Variants in PDE1C observed in about 807,000 individuals in gnomAD.
PDE1C encodes the protein phosphodiesterase 1C.
Under a neutral mutation model 93.1 loss-of-function variants are expected in PDE1C, and 62 were observed. The observed-to-expected ratio is 0.67, with a 90% confidence interval of 0.54 to 0.82. The LOEUF (loss-of-function observed/expected upper bound fraction) is 0.82. Ranked by LOEUF, PDE1C falls within the 40% of genes least tolerant of loss-of-function variation. The pLI is 0.00. For missense variants in PDE1C, 742 were observed against 884.6 expected (o/e 0.84, Z 2.04); for synonymous variants, 325 against 310.1 (o/e 1.05, Z -0.50).
the PDE1C span, chr7:31,696,999 T>C: frequency 8.1e-6 from 13 of 1,614,120 alleles, no homozygotes; most frequent in Non-Finnish European, 1.0e-5. Flanking sequence ...AAAGATACGA[T>C]GTTCAAGAGA....
intron 1 of PDE1C, among the ~76,000 whole-genome samples, chr7:32,326,621 G>T (rs1783408375): frequency 6.6e-6 from 1 of 152,170 alleles, no homozygotes; most frequent in Non-Finnish European, 1.5e-5. Flanking sequence ...CAGGTCACTG[G>T]TTACCCTAAC....
chr7:32,002,944 T>C (rs1785674331), intron 2 of PDE1C, among the ~76,000 whole-genome samples: 1 of 152,246 alleles, frequency 6.6e-6, no homozygotes, highest in Non-Finnish European at 1.5e-5. Context: ...TTCTTTTTCT[T>C]GATATCCTTT....
chr7:32,040,786 A>G (rs1209524867), intron 2 of PDE1C, among the ~76,000 whole-genome samples: 3 of 152,158 alleles, frequency 2.0e-5, no homozygotes, highest in African/African-American at 7.2e-5. Flanking sequence ...TCCTTTCCTA[A>G]TTAAGGTCCA....
chr7:32,221,739 G>T (rs921415908), intron 1 of PDE1C, among the ~76,000 whole-genome samples: 116 of 152,008 alleles, frequency 7.6e-4, no homozygotes, highest in Non-Finnish European at 1.3e-3. Flanking sequence ...CTTCAGCAAT[G>T]TTTTTTTGAG....
At chr7:32,027,979 A>T (rs1789717759) in intron 2 of PDE1C, among the ~76,000 whole-genome samples, 2 of 152,112 alleles carry the variant, frequency 1.3e-5, no homozygotes, top group Admixed American at 6.6e-5. Flanking sequence ...ATTAGAACTT[A>T]AGTATGTCTC....
the PDE1C span, among the ~76,000 whole-genome samples, chr7:31,677,530 AG>A: frequency 1.3e-5 from 2 of 152,206 alleles, no homozygotes; most frequent in Non-Finnish European, 2.9e-5. Context: ...ATACTAATCA[AG>A]CTAAGGAGAA....
At chr7:32,150,801 G>T (rs1801197073) in intron 3 of PDE1C, among the ~76,000 whole-genome samples, 1 of 152,006 alleles carries the variant, frequency 6.6e-6, no homozygotes, top group Non-Finnish European at 1.5e-5. Flanking sequence ...CTAGTACTAG[G>T]GGCAACCATT....
At chr7:32,380,217 C>CCT (rs373732159) in intron 1 of PDE1C, among the ~76,000 whole-genome samples, 144 of 151,674 alleles carry the variant, frequency 9.5e-4, no homozygotes, top group Middle Eastern at 3.4e-3. Flanking sequence ...CCACTTCCAT[C>CCT]CTCTCTCTCT....
At chr7:32,010,681 C>T (rs1346818264) in intron 2 of PDE1C, among the ~76,000 whole-genome samples, 1 of 152,136 alleles carries the variant, frequency 6.6e-6, no homozygotes, top group African/African-American at 2.4e-5. Context: ...AGTCCAAAAT[C>T]AAGGTGTCAG....
chr7:31,950,135 C>A (rs996554005), intron 2 of PDE1C, among the ~76,000 whole-genome samples: 3 of 152,168 alleles, frequency 2.0e-5, no homozygotes, highest in African/African-American at 7.2e-5. Flanking sequence ...TTAGCATAGT[C>A]CTCAAGCTAT....
chr7:32,280,472 G>A (rs1049619663), intron 1 of PDE1C, among the ~76,000 whole-genome samples: 2 of 152,026 alleles, frequency 1.3e-5, no homozygotes, highest in African/African-American at 4.8e-5. Context: ...TACTAATCTG[G>A]ATAATGACTC....
the PDE1C span, among the ~76,000 whole-genome samples, chr7:31,619,742 C>T: frequency 6.6e-6 from 1 of 152,098 alleles, no homozygotes; most frequent in Non-Finnish European, 1.5e-5. Context: ...CTAGGGAGTG[C>T]CAGACAGTGG....
intron 1 of PDE1C, among the ~76,000 whole-genome samples, chr7:32,335,439 T>C (rs555365492): frequency 1.3e-5 from 2 of 152,250 alleles, no homozygotes; most frequent in Non-Finnish European, 2.9e-5. Context: ...CATAGCAAAG[T>C]ACCACAGACT....
rs7781372 is a variant in PDE1C at position 32,201,983 on chromosome 7, A to C, written c.136+7506T>G. Reference sequence around the variant, plus strand: ...AGATAGCCAGAAGCAAATAGAGGAAAGCAATCGACAGAGGTAGGAAATCAG... The same window carrying C: ...AGATAGCCAGAAGCAAATAGAGGAACGCAATCGACAGAGGTAGGAAATCAG... On this transcript the variant is annotated intron_variant, in intron 2 of 18. Coordinates refer to the PDE1C transcript ENST00000396193. Among the ~76,000 whole-genome samples, 1,047 of 152,320 alleles carry C rather than the reference A, an allele frequency of 6.9e-3. 6 individuals are homozygous for C. Among genetic ancestry groups the C allele is most frequent in the African/African-American group, 0.024 (1,012 of 41,562 alleles).
chr7:31,924,780 C>A (rs1193163315), intron 2 of PDE1C, among the ~76,000 whole-genome samples: 1 of 152,134 alleles, frequency 6.6e-6, no homozygotes, highest in Non-Finnish European at 1.5e-5. Context: ...TCACATTTTT[C>A]CCAGAGGGAA....
At chr7:32,313,781 C>T (rs1783109054) in intron 1 of PDE1C, among the ~76,000 whole-genome samples, 1 of 150,334 alleles carries the variant, frequency 6.7e-6, no homozygotes, top group African/African-American at 2.5e-5. Context: ...GGAGGGGTAG[C>T]ATTAGGAGAT....
At chr7:31,928,164 T>C (rs1803650406) in intron 2 of PDE1C, among the ~76,000 whole-genome samples, 3 of 151,780 alleles carry the variant, frequency 2.0e-5, no homozygotes, top group South Asian at 4.2e-4. Context: ...AATGGCTGAA[T>C]TGATCAAGCG....
chr7:32,141,344 T>TA (rs900911983), intron 3 of PDE1C, among the ~76,000 whole-genome samples: 3 of 151,960 alleles, frequency 2.0e-5, no homozygotes, highest in Non-Finnish European at 1.5e-5. Context: ...TCCCCATTTC[T>TA]AAAAAAAGAA....
chr7:32,194,677 G>A (rs1804488396), intron 2 of PDE1C, among the ~76,000 whole-genome samples: 1 of 152,152 alleles, frequency 6.6e-6, no homozygotes, highest in Non-Finnish European at 1.5e-5. Flanking sequence ...TATTTGAAGT[G>A]AGTTTTTAAT....
Sources: allele counts gnomAD v4.1 joint callset (sites outside exome capture counted in the v4.1 genomes callset), GRCh38; gene constraint gnomAD v4.1.1; transcripts MANE v1.5; gene names NCBI Gene and HGNC (gene_info 2026-07-23, HGNC 2026-07-21).